Variants in IPO8 observed in about 807,000 individuals in gnomAD.
IPO8 encodes importin 8, also known as importin-8.
IPO8 carries 65 observed loss-of-function variants against 141.2 expected under a neutral mutation model. The ratio of observed to expected loss-of-function variants is 0.46; its 90% CI spans 0.38 to 0.57. The LOEUF is 0.57. Ranked by LOEUF, IPO8 falls within the 20% of genes least tolerant of loss-of-function variation. The pLI, the probability that IPO8 is intolerant of heterozygous loss-of-function variation, is 0.00. For synonymous variants in IPO8, 411 were observed against 420.3 expected, an observed-to-expected ratio of 0.98 and a Z score of 0.27; for missense variants, 980 against 1,246.8, an observed-to-expected ratio of 0.79 and a Z score of 3.22.
rs147481267 is a variant in IPO8, at chr12:30,638,065, C to T, written c.2490-878G>A. Among the ~76,000 whole-genome samples, 5 of 152,164 alleles carry T rather than the reference C, an allele frequency of 3.3e-5. No homozygotes were observed. The East Asian group carries it at 9.7e-4, about 29-fold the overall frequency. Reference sequence around the variant, plus strand: ...CTGAGGACCTTCTCATCCATGCAACCCCTAAATACATGCCACACGGATCAC... The same window carrying T: ...CTGAGGACCTTCTCATCCATGCAACTCCTAAATACATGCCACACGGATCAC... On this transcript the variant is annotated intron_variant, in intron 21 of 24. Coordinates refer to ENST00000256079, the MANE Select transcript of IPO8 (RefSeq NM_006390.4).
At chr12:30,675,849 A>G (rs2053113779) in intron 6 of IPO8, among the ~76,000 whole-genome samples, 1 of 151,794 alleles carries the variant, frequency 6.6e-6, no homozygotes, top group South Asian at 2.1e-4. Flanking sequence ...GTCTCAAAAA[A>G]AAAAAAAAGG....
intron 17 of IPO8, 139 bp from the exon 18 acceptor site, chr12:30,653,231 G>T: frequency 1.5e-6 from 1 of 682,064 alleles, no homozygotes; most frequent in Non-Finnish European, 2.4e-6. Context: ...CCCTTTCTCA[G>T]TATTTGTATC....
rs2304627 is a variant in IPO8 at position 30,666,223 on chromosome 12, G to A, written c.1173C>T (p.Thr391=). 2.6e-4 allele frequency: 415 copies of A among 1,590,702 alleles called. 3 individuals carry two copies. In the East Asian group the frequency reaches 7.5e-3, roughly 29 times the overall value. Residue 391 remains threonine, a synonymous_variant, in exon 11 of 25, where the codon ACC becomes ACT. Coordinates refer to ENST00000256079, the MANE Select transcript of IPO8 (RefSeq NM_006390.4). ...TATATAAGAGAGTCTGGGCTGCTGT[G>A]GTGGGAGAAGCATAATCTTCAAAAA... ...FDIFEDYASP[T]TAAQTLLYTA...
At chr12:30,678,694 C>T (rs2053153223) in intron 5 of IPO8, among the ~76,000 whole-genome samples, 1 of 152,074 alleles carries the variant, frequency 6.6e-6, no homozygotes, top group Non-Finnish European at 1.5e-5. Flanking sequence ...GTTTCAAATG[C>T]ACTTTATTCT....
intron 6 of IPO8, among the ~76,000 whole-genome samples, chr12:30,675,076 A>C (rs2053101642): frequency 6.6e-6 from 1 of 152,210 alleles, no homozygotes; most frequent in Non-Finnish European, 1.5e-5. Context: ...GTGATAACAC[A>C]AGTGTATGTC....
At chr12:30,637,775 T>A (rs1046353377) in intron 21 of IPO8, among the ~76,000 whole-genome samples, 2 of 152,136 alleles carry the variant, frequency 1.3e-5, no homozygotes, top group Non-Finnish European at 2.9e-5. Flanking sequence ...CCAGTAAACA[T>A]TAGACATTTT....
chr12:30,649,051 TTCA>T, intron 20 of IPO8, 83 bp downstream of exon 20: 1 of 882,428 alleles, frequency 1.1e-6, no homozygotes, highest in East Asian at 2.5e-5. Context: ...CTTTCCATTT[TTCA>T]TCATAATATA....
Position 30,671,055 on chromosome 12 carries a change from A to C in IPO8, c.951T>G (p.Tyr317Ter). Residue 317 changes from tyrosine (Y) to a stop codon, truncating the protein, a stop_gained, in exon 9 of 25, where the codon TAT (tyrosine) becomes TAG (stop). Coordinates refer to ENST00000256079, the MANE Select transcript of IPO8 (RefSeq NM_006390.4). LOFTEE classifies it high-confidence loss of function. ...KILDQYRQKEYVAPRVLQQAF... is the reference protein window; with the variant it reads ...KILDQYRQKE ...CTTGCTGAAGAACACGGGGAGCTAC[A>C]TATTCTTTCTGTCTATATTGATCTA... The C allele has an allele frequency of 6.2e-7, 1 of 1,607,868 alleles. No homozygotes were observed. Among genetic ancestry groups the C allele is most frequent in the Non-Finnish European group, 8.5e-7 (1 of 1,174,368 alleles).
chr12:30,665,937 C>A, intron 11 of IPO8, 92 bp from the exon 12 acceptor site: 1 of 831,684 alleles, frequency 1.2e-6, no homozygotes. Flanking sequence ...AAAAATAAAG[C>A]CATTTTATTA....
Position 30,662,320 on chromosome 12 carries a change from G to T in IPO8, c.1755+7C>A. ...AACCAAATTAACATAAAACTGCCCG[G>T]TCTTACCAAGTGTTGGGTCATATCA... On this transcript the variant is annotated splice_region_variant and intron_variant, in intron 15 of 24. Coordinates refer to ENST00000256079, the MANE Select transcript of IPO8 (RefSeq NM_006390.4). 6.2e-7 allele frequency: 1 copy of T among 1,607,276 alleles called. No individual in the cohort carries two copies. Among genetic ancestry groups the T allele is most frequent in the Non-Finnish European group, 8.5e-7 (1 of 1,176,680 alleles).
chr12:30,681,538 C>A, intron 4 of IPO8, 121 bp downstream of exon 4: 1 of 905,460 alleles, frequency 1.1e-6, no homozygotes, highest in Non-Finnish European at 1.6e-6. Flanking sequence ...ATGTTTAACC[C>A]AACATTTCCC....
chr12:30,649,083 C>T lies in IPO8; in HGVS notation c.2268+54G>A. 2.7e-6 allele frequency: 3 copies of T among 1,098,064 alleles called. No homozygotes were observed. The South Asian group carries it at 3.9e-5, about 14-fold the overall frequency. 68.0% of individuals were successfully genotyped at this position (1,098,064 alleles called of 1,614,324 possible). A position where few individuals can be genotyped will look rare whatever the true frequency, so the allele number is the denominator to read the frequency against. On this transcript the variant is annotated intron_variant, in intron 20 of 24. Coordinates refer to ENST00000256079, the MANE Select transcript of IPO8 (RefSeq NM_006390.4). ...TAATATAAATGAAAAGTCAAGCAGG[C>T]ATGTAAACTTCAAATGTAACCCTCA...
At chr12:30,680,405 T>A (rs1017876602) in intron 5 of IPO8, 77 bp downstream of exon 5, 1 of 1,090,156 alleles carries the variant, frequency 9.2e-7, no homozygotes. Context: ...TAATAATAAG[T>A]GACACTTATT....
chr12:30,654,085 A>G lies in IPO8; in HGVS notation c.1949-993T>C, dbSNP rs1021326700. ...TCAATTAATTTTCAACAAAGATGCT[A>G]AAAACACACAATGGAGAAAGGACAG... On this transcript the variant is annotated intron_variant, in intron 17 of 24. Coordinates refer to ENST00000256079, the MANE Select transcript of IPO8 (RefSeq NM_006390.4). 2.0e-5 allele frequency among the ~76,000 whole-genome samples: 3 copies of G among 152,204 alleles called. No individual in the cohort carries two copies. In the East Asian group the frequency reaches 5.8e-4, roughly 29 times the overall value.
At chr12:30,648,275 A>G (rs1240660896) in intron 20 of IPO8, among the ~76,000 whole-genome samples, 1 of 152,232 alleles carries the variant, frequency 6.6e-6, no homozygotes, top group Non-Finnish European at 1.5e-5. Context: ...ACACTACCAC[A>G]CAGATGAACC....
intron 7 of IPO8, 21 bp downstream of exon 7, chr12:30,674,638 A>G (rs369951671): frequency 4.0e-6 from 6 of 1,514,898 alleles, no homozygotes; most frequent in Admixed American, 1.7e-5. Flanking sequence ...ATGATCATCA[A>G]TGTAATAAAC....
intron 5 of IPO8, 162 bp from the exon 6 acceptor site, chr12:30,676,749 CA>C: frequency 1.3e-6 from 1 of 748,986 alleles, no homozygotes. Context: ...TTCATACGAC[CA>C]TATAGAACTT....
At chr12:30,652,416 A>G in intron 18 of IPO8, 127 bp from the exon 19 acceptor site, 1 of 653,162 alleles carries the variant, frequency 1.5e-6, no homozygotes, top group Non-Finnish European at 2.7e-6. Flanking sequence ...AAAGGCTAGA[A>G]ATGAAAGTAA....
chr12:30,648,360 C>A (rs2052677318), intron 20 of IPO8, among the ~76,000 whole-genome samples: 1 of 152,178 alleles, frequency 6.6e-6, no homozygotes, highest in Non-Finnish European at 1.5e-5. Context: ...ACATCAAATG[C>A]CCAGAATACG....
Sources: gnomAD v4.1 joint callset for allele counts (sites outside exome capture counted in the v4.1 genomes callset) on GRCh38, gnomAD v4.1.1 for gene constraint, MANE v1.5 for transcripts, NCBI Gene and HGNC (gene_info 2026-07-23, HGNC 2026-07-21) for gene names.